The following POLE2 variants were observed in gnomAD, a reference collection of about 807,000 sequenced individuals.
The protein encoded by POLE2 is DNA polymerase epsilon 2, accessory subunit, also known as DNA polymerase epsilon subunit 2.
A neutral mutation model predicts 79.4 loss-of-function variants in POLE2; 56 were observed. That is an observed-to-expected ratio of 0.71 (90% CI 0.57 to 0.88). The LOEUF is 0.88. Among genes scored for constraint, POLE2 ranks in the 40% least tolerant of loss-of-function variants. The pLI, the probability that POLE2 is intolerant of heterozygous loss-of-function variation, is 0.00. For missense variants in POLE2, 598 were observed against 638.9 expected, an observed-to-expected ratio of 0.94 and a Z score of 0.69; for synonymous variants, 212 against 214.0, an observed-to-expected ratio of 0.99 and a Z score of 0.08.
chr14:49,645,904 T>C (rs1883724911), intron 18 of POLE2, among the ~76,000 whole-genome samples: 1 of 152,248 alleles, frequency 6.6e-6, no homozygotes, highest in Non-Finnish European at 1.5e-5. Flanking sequence ...AGTGCTGGAT[T>C]ACAGGTGTGA....
intron 5 of POLE2, among the ~76,000 whole-genome samples, chr14:49,672,522 G>A (rs1043199050): frequency 1.4e-5 from 2 of 147,032 alleles, no homozygotes; most frequent in African/African-American, 2.5e-5. Context: ...TTTTTGAGAC[G>A]GAGTTTCGCT....
intron 1 of POLE2, among the ~76,000 whole-genome samples, chr14:49,684,237 C>T (rs898576112): frequency 2.0e-5 from 3 of 151,918 alleles, no homozygotes; most frequent in Non-Finnish European, 2.9e-5. Context: ...CCGAGGCGGG[C>T]GGATCATGAG....
At chr14:49,656,840 G>A (rs1884714985) in intron 10 of POLE2, among the ~76,000 whole-genome samples, 1 of 152,148 alleles carries the variant, frequency 6.6e-6, no homozygotes, top group Non-Finnish European at 1.5e-5. Flanking sequence ...AGGCCAGGGT[G>A]GCTCACACCT....
intron 18 of POLE2, among the ~76,000 whole-genome samples, chr14:49,645,043 C>CAAAAAA (rs527251561): frequency 2.3e-5 from 2 of 88,318 alleles, no homozygotes; most frequent in Non-Finnish European, 4.8e-5. Context: ...CTCCGTCTCA[C>CAAAAAA]AAAAAAAAAA....
chr14:49,678,258 C>T (rs1886442789), intron 3 of POLE2, among the ~76,000 whole-genome samples: 1 of 152,122 alleles, frequency 6.6e-6, no homozygotes, highest in Non-Finnish European at 1.5e-5. Flanking sequence ...CCACCTCGGC[C>T]TCCCAAAGTG....
chr14:49,665,186 A>C (rs1885392860), intron 7 of POLE2, 23 bp from the exon 8 acceptor site: 3 of 1,020,028 alleles, frequency 2.9e-6, no homozygotes, highest in Non-Finnish European at 4.6e-6. Context: ...AAATAAATAA[A>C]TCCACATTTA....
chr14:49,685,458 G>A (rs1474486589), intron 1 of POLE2, among the ~76,000 whole-genome samples: 1 of 152,016 alleles, frequency 6.6e-6, no homozygotes, highest in Non-Finnish European at 1.5e-5. Flanking sequence ...TCTTAGCATA[G>A]ACCAAAGCCT....
At chr14:49,667,383 A>C (rs1040446082) in intron 6 of POLE2, among the ~76,000 whole-genome samples, 1 of 152,116 alleles carries the variant, frequency 6.6e-6, no homozygotes, top group Admixed American at 6.5e-5. Flanking sequence ...ATTTTTCTAC[A>C]TATAGATTTC....
At chr14:49,664,752 T>A in intron 8 of POLE2, 78 bp from the exon 9 acceptor site, 1 of 867,446 alleles carries the variant, frequency 1.2e-6, no homozygotes, top group Non-Finnish European at 1.9e-6. Flanking sequence ...CCAACAAGGC[T>A]TCTAAATAAT....
At chr14:49,662,191 C>T (rs541539585) in intron 10 of POLE2, among the ~76,000 whole-genome samples, 1 of 152,218 alleles carries the variant, frequency 6.6e-6, no homozygotes, top group Non-Finnish European at 1.5e-5. Flanking sequence ...CCCTCAGTTA[C>T]TTCAACAGCA....
intron 17 of POLE2, among the ~76,000 whole-genome samples, chr14:49,649,346 C>A (rs1314864406): frequency 6.6e-6 from 1 of 151,400 alleles, no homozygotes; most frequent in African/African-American, 2.4e-5. Context: ...CGGGGTTGCA[C>A]CATGTTAGCC....
chr14:49,654,255 G>T (rs188800237), intron 13 of POLE2, 41 bp from the exon 14 acceptor site: 12 of 1,353,048 alleles, frequency 8.9e-6, no homozygotes, highest in African/African-American at 5.8e-5. Flanking sequence ...AAATATTATT[G>T]TAACACTATC....
chr14:49,676,556 C>A (rs945443238), intron 3 of POLE2, among the ~76,000 whole-genome samples: 3 of 152,244 alleles, frequency 2.0e-5, no homozygotes, highest in Non-Finnish European at 4.4e-5. Context: ...ACCATTCAGT[C>A]CCCACTGGAC....
rs941313287 is a variant in POLE2 at position 49,655,725 on chromosome 14, C to A, written c.874G>T (p.Asp292Tyr). 1 of 1,611,736 alleles carries A rather than the reference C, an allele frequency of 6.2e-7. No individual in the cohort carries two copies. The highest frequency in any genetic ancestry group is 1.1e-5 in the South Asian group (1 of 90,684). ...NKDAMFVFLSDVWLDQVEVLE... is the reference protein window; with the variant it reads ...NKDAMFVFLSYVWLDQVEVLE... ...ACTTCCACCTGGTCCAACCAAACAT[C>A]AGATAAAAACACAAACATAGCATCT... is the stretch of plus-strand genomic sequence containing the variant. The change falls in exon 11 of 19, where the codon GAT (aspartate) becomes TAT (tyrosine). Residue 292 changes from aspartate (D) to tyrosine (Y), a missense_variant. Physicochemically the swap from Asp to Tyr is radical, Grantham distance 160 (BLOSUM62 -3). Transcript: ENST00000216367.
intron 3 of POLE2, chr14:49,677,999 TTTTA>T (rs1886413408): frequency 3.8e-5 from 4 of 106,246 alleles, no homozygotes; most frequent in East Asian, 2.8e-4. Context: ...ATTTTATTTA[TTTTA>T]TTTTTTTTTT....
chr14:49,665,102 G>T lies in POLE2; in HGVS notation c.633+5C>A. The T allele has an allele frequency of 7.8e-7, 1 of 1,289,712 alleles. No individual in the cohort carries two copies. Among genetic ancestry groups the T allele is most frequent in the Non-Finnish European group, 1.1e-6 (1 of 891,972 alleles). 79.9% of individuals were successfully genotyped at this position (1,289,712 alleles called of 1,614,324 possible). ...TTTTAAAAAATACAGACAAGTGAAG[G>T]ATATAGCTTTACTAAGGTCTAGTTG... On this transcript the variant is annotated splice_donor_5th_base_variant and intron_variant, in intron 8 of 18. Coordinates refer to ENST00000216367, the MANE Select transcript of POLE2 (RefSeq NM_002692.4).
At chr14:49,682,154 G>A (rs1198840684) in intron 2 of POLE2, among the ~76,000 whole-genome samples, 1 of 151,234 alleles carries the variant, frequency 6.6e-6, no homozygotes, top group African/African-American at 2.4e-5. Flanking sequence ...ACAGGCGCCT[G>A]CCACCATGCC....
intron 5 of POLE2, among the ~76,000 whole-genome samples, chr14:49,671,932 C>G (rs1021740882): frequency 6.6e-6 from 1 of 151,908 alleles, no homozygotes; most frequent in African/African-American, 2.4e-5. Flanking sequence ...CTAGCCTAGG[C>G]GACAGAGCAA....
chr14:49,654,127 CTG>C (rs1182032152), intron 14 of POLE2, 26 bp downstream of exon 14: 1 of 1,599,560 alleles, frequency 6.3e-7, no homozygotes, highest in Non-Finnish European at 8.6e-7. Flanking sequence ...ATTTTCTACA[CTG>C]TTGCAAAAAT....
Sources: gnomAD v4.1 joint callset for allele counts (sites outside exome capture counted in the v4.1 genomes callset) on GRCh38, gnomAD v4.1.1 for gene constraint, MANE v1.5 for transcripts, NCBI Gene and HGNC (gene_info 2026-07-23, HGNC 2026-07-21) for gene names.